The following TEX36 variants were observed in gnomAD, a reference collection of about 807,000 sequenced individuals.
TEX36 encodes testis expressed 36, also known as testis-expressed protein 36.
In TEX36, 12 loss-of-function variants were observed where a neutral mutation model predicts 13.6. The ratio of observed to expected loss-of-function variants is 0.88; its 90% CI spans 0.56 to 1.43. TEX36 has a LOEUF of 1.43. Among genes scored for constraint, TEX36 ranks in the 40% most tolerant of loss-of-function variants. TEX36 has a pLI of 0.00. For synonymous variants in TEX36, 93 were observed against 83.0 expected, an observed-to-expected ratio of 1.12 and a Z score of -0.65; for missense variants, 224 against 228.3, an observed-to-expected ratio of 0.98 and a Z score of 0.12.
chr10:125,662,121 C>A, intron 1 of TEX36, 144 bp from the exon 2 acceptor site: 1 of 1,171,610 alleles, frequency 8.5e-7, no homozygotes, highest in Non-Finnish European at 1.2e-6. Flanking sequence ...TTGTAATTTT[C>A]AAGTATTCTT....
chr10:125,596,441 G>T (rs185626506), intron 3 of TEX36, among the ~76,000 whole-genome samples: 2 of 152,246 alleles, frequency 1.3e-5, no homozygotes, highest in Non-Finnish European at 2.9e-5. Context: ...AATGGAGGAA[G>T]AGACCATGAA....
At chr10:125,595,613 T>C (rs1342785953) in intron 3 of TEX36, among the ~76,000 whole-genome samples, 15 of 152,168 alleles carry the variant, frequency 9.9e-5, no homozygotes, top group Admixed American at 9.8e-4. Flanking sequence ...CTGCTGACTG[T>C]ATGCCCCCCT....
At chr10:125,670,825 C>T (rs951712642) in intron 1 of TEX36, among the ~76,000 whole-genome samples, 6 of 151,864 alleles carry the variant, frequency 4.0e-5, no homozygotes, top group Non-Finnish European at 8.8e-5. Flanking sequence ...TCTCCCAGCA[C>T]CATTTATTAA....
chr10:125,592,645 A>G (rs1846035114), intron 3 of TEX36, among the ~76,000 whole-genome samples: 1 of 151,994 alleles, frequency 6.6e-6, no homozygotes, highest in Non-Finnish European at 1.5e-5. Context: ...ATGGCATCAG[A>G]TCCCTCAGGG....
intron 3 of TEX36, among the ~76,000 whole-genome samples, chr10:125,587,556 G>A (rs1448808326): frequency 6.6e-6 from 1 of 152,124 alleles, no homozygotes; most frequent in Non-Finnish European, 1.5e-5. Context: ...GGAGGCCGAG[G>A]TTGGCAGAGC....
chr10:125,590,453 C>T (rs549235655), intron 3 of TEX36, among the ~76,000 whole-genome samples: 1 of 152,040 alleles, frequency 6.6e-6, no homozygotes, highest in East Asian at 1.9e-4. Context: ...TGGGGGGCAG[C>T]TAATAATAGT....
At chr10:125,654,959 G>T (rs1005287459), downstream of TEX36, among the ~76,000 whole-genome samples, 15 of 152,262 alleles carry the variant, frequency 9.9e-5, no homozygotes, top group African/African-American at 3.1e-4. Context: ...TATCCAGAGA[G>T]GCTGATCAAG....
chr10:125,590,497 T>C (rs945588183), intron 3 of TEX36, among the ~76,000 whole-genome samples: 3 of 152,122 alleles, frequency 2.0e-5, no homozygotes, highest in African/African-American at 4.8e-5. Context: ...TTGTAAAGAT[T>C]AATAAAATTT....
intron 3 of TEX36, among the ~76,000 whole-genome samples, chr10:125,580,252 C>T (rs577066229): frequency 4.1e-4 from 62 of 152,284 alleles, no homozygotes; most frequent in Non-Finnish European, 8.4e-4. Flanking sequence ...AAGTGAAAGT[C>T]TTATTTCTAG....
At chr10:125,648,396 CG>C (rs1464719720) in intron 3 of TEX36, among the ~76,000 whole-genome samples, 2 of 152,206 alleles carry the variant, frequency 1.3e-5, no homozygotes, top group African/African-American at 4.8e-5. Flanking sequence ...AAACAGCATC[CG>C]GAGTGAACCT....
At chr10:125,641,186 A>G (rs1846686633) in intron 3 of TEX36, among the ~76,000 whole-genome samples, 1 of 152,214 alleles carries the variant, frequency 6.6e-6, no homozygotes, top group South Asian at 2.1e-4. Flanking sequence ...TGCCCTCACA[A>G]CATCTGATTC....
intron 3 of TEX36, among the ~76,000 whole-genome samples, chr10:125,634,742 ATGGTTTAGCGG>A (rs1471153477): frequency 6.6e-6 from 1 of 152,148 alleles, no homozygotes; most frequent in Admixed American, 6.6e-5. Flanking sequence ...TCTGCAAACA[ATGGTTTAGCGG>A]TTGGCTGTGC....
chr10:125,655,770 T>C lies in TEX36; in HGVS notation c.*130A>G. ...TTCATTTCACAAGGATTTGAATGTT[T>C]TTTGACCTTATAAAAATCATAAAAG... On this transcript the variant is annotated 3_prime_UTR_variant, in exon 4 of 4. Transcript: ENST00000368821. The C allele has an allele frequency of 7.4e-7, 1 of 1,343,378 alleles. No homozygotes were observed. Among genetic ancestry groups the C allele is most frequent in the Non-Finnish European group, 9.5e-7 (1 of 1,047,936 alleles). The allele number at this position is 1,343,378 out of a possible 1,614,324, so 83.2% of individuals were successfully genotyped here.
chr10:125,677,082 G>T (rs1327987579), intron 1 of TEX36, among the ~76,000 whole-genome samples: 1 of 152,178 alleles, frequency 6.6e-6, no homozygotes, highest in African/African-American at 2.4e-5. Flanking sequence ...GTCTGACGGA[G>T]TTTCCTTTAT....
chr10:125,665,721 G>GT (rs1364548869), intron 1 of TEX36, among the ~76,000 whole-genome samples: 2 of 151,912 alleles, frequency 1.3e-5, no homozygotes, highest in Admixed American at 6.5e-5. Flanking sequence ...TTTTAAGATT[G>GT]TTTTTTCTAA....
chr10:125,597,318 T>G (rs140105701), intron 3 of TEX36, among the ~76,000 whole-genome samples: 64 of 152,286 alleles, frequency 4.2e-4, no homozygotes, highest in African/African-American at 1.5e-3. Context: ...CAAGCTGTAC[T>G]TGGGTCTGCT....
chr10:125,626,557 C>T (rs998817988), intron 3 of TEX36, among the ~76,000 whole-genome samples: 2 of 152,192 alleles, frequency 1.3e-5, no homozygotes, highest in African/African-American at 2.4e-5. Context: ...AAGAAAAAGA[C>T]CTTTCCTTCC....
intron 3 of TEX36, among the ~76,000 whole-genome samples, chr10:125,581,242 G>A (rs893684071): frequency 1.3e-5 from 2 of 152,066 alleles, no homozygotes; most frequent in Admixed American, 1.3e-4. Flanking sequence ...AGTCGGGGAC[G>A]GGAGTTGATT....
At chr10:125,618,106 C>G (rs1010341613), downstream of TEX36, among the ~76,000 whole-genome samples, 1 of 152,132 alleles carries the variant, frequency 6.6e-6, no homozygotes, top group Non-Finnish European at 1.5e-5. Context: ...GCATTCTTCA[C>G]GTAGTTCTCG....
Sources: gnomAD v4.1 joint callset for allele counts (sites outside exome capture counted in the v4.1 genomes callset) on GRCh38, gnomAD v4.1.1 for gene constraint, MANE v1.5 for transcripts, NCBI Gene and HGNC (gene_info 2026-07-23, HGNC 2026-07-21) for gene names.